Variants in TBC1D9B observed in about 807,000 individuals in gnomAD.
The protein encoded by TBC1D9B is TBC1 domain family, member 9B (with GRAM domain).
Under a neutral mutation model 121.1 loss-of-function variants are expected in TBC1D9B, and 87 were observed. The ratio of observed to expected loss-of-function variants is 0.72; its 90% CI spans 0.60 to 0.86. TBC1D9B has a LOEUF of 0.86. Ranked by LOEUF, TBC1D9B falls within the 40% of genes least tolerant of loss-of-function variation. The pLI is 0.00. For synonymous variants in TBC1D9B, 668 were observed against 670.1 expected (o/e 1.00, Z 0.05); for missense variants, 1,540 against 1,628.6 (o/e 0.95, Z 0.94).
At position 179,907,867 on chromosome 5, in the gene TBC1D9B, C is replaced by T; in HGVS notation, c.-46G>A. On this transcript the variant is annotated 5_prime_UTR_variant, in exon 1 of 21. Coordinates refer to ENST00000355235, the MANE Select transcript of TBC1D9B (RefSeq NM_015043.4). The surrounding 1 kb of genome is among the most constrained non-coding windows in gnomAD (Gnocchi z 5.3). ...GCCGAGGCCCGCGAGACGGAAGCGCCCGCCGCCGTCGGCGTCCCGGAGCGG... is the reference window on the plus strand; with the variant it reads ...GCCGAGGCCCGCGAGACGGAAGCGCTCGCCGCCGTCGGCGTCCCGGAGCGG... 1.0e-6 allele frequency: 1 copy of T among 998,170 alleles called. No homozygotes were observed. Among genetic ancestry groups the T allele is most frequent in the Non-Finnish European group, 1.2e-6 (1 of 831,160 alleles). The allele number at this position is 998,170 out of a possible 1,614,324, so 61.8% of individuals were successfully genotyped here.
At chr5:179,899,166 A>G in intron 3 of TBC1D9B, 23 bp downstream of exon 3, 1 of 1,587,440 alleles carries the variant, frequency 6.3e-7, no homozygotes, top group Non-Finnish European at 8.6e-7. Context: ...GGGTGAGAAC[A>G]GAGAGTGGCG....
chr5:179,865,649 T>C lies in TBC1D9B; in HGVS notation c.2914+189A>G, dbSNP rs945388037. Reference sequence around the variant, plus strand: ...GAGAAGCTGGCAAGAGAGGGCTGGCTGGGTGCCCGTGGGGCTGGTGGAGAG... The same window carrying C: ...GAGAAGCTGGCAAGAGAGGGCTGGCCGGGTGCCCGTGGGGCTGGTGGAGAG... On this transcript the variant is annotated intron_variant, in intron 19 of 20. Transcript: ENST00000355235. The surrounding 1 kb of genome is among the most constrained non-coding windows in gnomAD (Gnocchi z 5.1). The C allele has an allele frequency of 3.0e-6, 2 of 666,336 alleles. No homozygotes were observed. The highest frequency in any genetic ancestry group is 5.1e-6 in the Non-Finnish European group (2 of 391,878). 41.3% of individuals were successfully genotyped at this position (666,336 alleles called of 1,614,324 possible).
chr5:179,889,470 A>G (rs1050613702), intron 6 of TBC1D9B, among the ~76,000 whole-genome samples: 1 of 150,838 alleles, frequency 6.6e-6, no homozygotes, highest in Admixed American at 6.6e-5. Context: ...CTCACAGGTC[A>G]TAGGAGGCAG....
At chr5:179,880,473 C>G (rs1399803467) in intron 7 of TBC1D9B, among the ~76,000 whole-genome samples, 1 of 152,210 alleles carries the variant, frequency 6.6e-6, no homozygotes, top group East Asian at 1.9e-4. Context: ...GGGCTGGGCT[C>G]TCTACCCCTC....
At chr5:179,889,069 G>T (rs540517308) in intron 6 of TBC1D9B, among the ~76,000 whole-genome samples, 1 of 151,576 alleles carries the variant, frequency 6.6e-6, no homozygotes, top group Non-Finnish European at 1.5e-5. Context: ...TCTCGCTGTC[G>T]CCCAGGCTGG....
chr5:179,864,896 A>G (rs1174622019), intron 20 of TBC1D9B, among the ~76,000 whole-genome samples: 1 of 152,244 alleles, frequency 6.6e-6, no homozygotes, highest in African/African-American at 2.4e-5. Context: ...AGACCAGTGA[A>G]TGAAGAGCGG....
At position 179,869,776 on chromosome 5, in the gene TBC1D9B, A is replaced by G; in HGVS notation, c.2784T>C (p.Leu928=). The change falls in exon 17 of 21, where the codon CTT becomes CTC. Residue 928 remains leucine, a synonymous_variant. Coordinates refer to ENST00000355235, the MANE Select transcript of TBC1D9B (RefSeq NM_015043.4). ...TGGGCAGGAGGCTCTCACCTGGGGG[A>G]AGGTGTAGCTTGTAGAGCACCTTGA... ...EKLKVLYKLH[L]PPALSPEEAE... 1 of 1,607,668 alleles carries G rather than the reference A, an allele frequency of 6.2e-7. No homozygotes were observed. The highest frequency in any genetic ancestry group is 8.5e-7 in the Non-Finnish European group (1 of 1,176,736).
At chr5:179,888,383 G>T in intron 6 of TBC1D9B, 71 bp from the exon 7 acceptor site, 1 of 1,460,720 alleles carries the variant, frequency 6.8e-7, no homozygotes, top group Non-Finnish European at 9.4e-7. Context: ...TTTGTGAATG[G>T]CAGACTGTCA....
At chr5:179,903,666 C>T (rs912950330) in intron 2 of TBC1D9B, among the ~76,000 whole-genome samples, 1 of 152,322 alleles carries the variant, frequency 6.6e-6, no homozygotes, top group Non-Finnish European at 1.5e-5. Context: ...ATTGAGCTCA[C>T]GGCCAGCAGC....
intron 6 of TBC1D9B, among the ~76,000 whole-genome samples, chr5:179,888,631 A>C (rs1760766294): frequency 6.6e-6 from 1 of 152,166 alleles, no homozygotes; most frequent in South Asian, 2.1e-4. Flanking sequence ...CAGGGCAAGC[A>C]GTCCCTTGCT....
Position 179,885,205 on chromosome 5 carries a change from CTAAAG to C in TBC1D9B, c.1254+2893_1254+2897del, listed in dbSNP as rs1412551725. 2.0e-5 allele frequency among the ~76,000 whole-genome samples: 3 copies of C among 152,118 alleles called. No homozygotes were observed. The highest frequency in any genetic ancestry group is 2.9e-5 in the Non-Finnish European group (2 of 68,024). On this transcript the variant is annotated intron_variant, in intron 7 of 20. Transcript: ENST00000355235. The surrounding 1 kb of genome is among the most constrained non-coding windows in gnomAD (Gnocchi z 4.5). ...TTTCTAGTAGCCACATTGTAAAGTC[CTAAAG>C]TAAATTATTGAGATTAATTTTAACA...
chr5:179,863,205 G>A lies in TBC1D9B; in HGVS notation c.*243C>T, dbSNP rs1341268601. On this transcript the variant is annotated 3_prime_UTR_variant, in exon 21 of 21. Coordinates refer to ENST00000355235, the MANE Select transcript of TBC1D9B (RefSeq NM_015043.4). This position sits in a 1 kb window ranked among gnomAD's most constrained non-coding sequence, Gnocchi z 4.5. ...CGAGGCGGGCTCCCACCAGGTGTAA[G>A]GAAGGTGGGAGCCACAGCCTCTTCC... 3 of 536,952 alleles carry A rather than the reference G, an allele frequency of 5.6e-6. No individual in the cohort carries two copies. Among genetic ancestry groups the A allele is most frequent in the Non-Finnish European group, 9.9e-6 (3 of 304,142 alleles). The allele number at this position is 536,952 out of a possible 1,614,324, so 33.3% of individuals were successfully genotyped here. A position where few individuals can be genotyped will look rare whatever the true frequency, so the allele number is the denominator to read the frequency against.
chr5:179,882,856 C>T (rs1278643629), intron 7 of TBC1D9B, among the ~76,000 whole-genome samples: 1 of 152,124 alleles, frequency 6.6e-6, no homozygotes, highest in African/African-American at 2.4e-5. Context: ...AAAAGTTACT[C>T]TAAAATGTTG....
chr5:179,867,623 G>A (rs897640074), intron 18 of TBC1D9B, 155 bp downstream of exon 18: 10 of 1,479,428 alleles, frequency 6.8e-6, no homozygotes, highest in Admixed American at 5.8e-5. Context: ...CCGCCAGCAT[G>A]GCAGAGCCCA....
chr5:179,904,702 C>T lies in TBC1D9B; in HGVS notation c.229G>A (p.Gly77Ser), dbSNP rs1348777035. The T allele has an allele frequency of 6.4e-7, 1 of 1,564,284 alleles. No homozygotes were observed. The highest frequency in any genetic ancestry group is 8.7e-7 in the Non-Finnish European group (1 of 1,154,622). ...DSQVYWTVAC[G>S]SSRKEITKHW... The stretch of plus-strand genomic sequence containing the variant: ...ACCCCTCACCACTCAGGGCACCTAC[C>T]ACACGCCACTGTCCAGTAGACCTGG... Residue 77 changes from glycine to serine, a missense_variant and splice_region_variant, in exon 2 of 21, where the codon GGT (glycine) becomes AGT (serine). Gly to Ser is a moderately conservative substitution (Grantham distance 56). Coordinates refer to ENST00000355235, the MANE Select transcript of TBC1D9B (RefSeq NM_015043.4). This position sits in a 1 kb window ranked among gnomAD's most constrained non-coding sequence, Gnocchi z 4.2.
chr5:179,900,168 C>A (rs1466883420), intron 2 of TBC1D9B, among the ~76,000 whole-genome samples: 1 of 152,120 alleles, frequency 6.6e-6, no homozygotes, highest in Non-Finnish European at 1.5e-5. Flanking sequence ...TACAGTGCAG[C>A]CTGAGTGACA....
chr5:179,903,645 G>C (rs1422129129), intron 2 of TBC1D9B, among the ~76,000 whole-genome samples: 1 of 152,136 alleles, frequency 6.6e-6, no homozygotes, highest in Non-Finnish European at 1.5e-5. Flanking sequence ...ACGTATTCCT[G>C]ATCGATTGGC....
At chr5:179,878,909 C>T (rs530463913) in intron 9 of TBC1D9B, 138 bp downstream of exon 9, 146 of 1,248,948 alleles carry the variant, frequency 1.2e-4, no homozygotes, top group East Asian at 2.5e-4. Context: ...GCCCAGAGCC[C>T]GGCTCCCGGC....
At position 179,907,765 on chromosome 5, in the gene TBC1D9B, C is replaced by A; in HGVS notation, c.57G>T (p.Arg19=). The change falls in exon 1 of 21, where the codon CGG becomes CGT. Residue 19 remains arginine (R), a synonymous_variant. Transcript: ENST00000355235. The surrounding 1 kb of genome is among the most constrained non-coding windows in gnomAD (Gnocchi z 5.3). ...LVANALWVTE[R]ANPFFVLQRR... ...GCTGCAGCACGAAGAAGGGGTTGGC[C>A]CGCTCCGTCACCCACAGCGCATTGG... 1 of 1,224,560 alleles carries A rather than the reference C, an allele frequency of 8.2e-7. No individual in the cohort carries two copies. Among genetic ancestry groups the A allele is most frequent in the Non-Finnish European group, 1.0e-6 (1 of 954,578 alleles). The allele number at this position is 1,224,560 out of a possible 1,614,324, so 75.9% of individuals were successfully genotyped here. A position where few individuals can be genotyped will look rare whatever the true frequency, so the allele number is the denominator to read the frequency against.
Sources: gnomAD v4.1 joint callset for allele counts (sites outside exome capture counted in the v4.1 genomes callset) on GRCh38, gnomAD v4.1.1 for gene constraint, Gnocchi (gnomAD v3.1) non-coding constraint, MANE v1.5 for transcripts, NCBI Gene and HGNC (gene_info 2026-07-23, HGNC 2026-07-21) for gene names.